Variants in AOPEP observed in about 807,000 individuals in gnomAD.
The protein encoded by AOPEP is aminopeptidase O (putative).
AOPEP carries 77 observed loss-of-function variants against 98.1 expected under a neutral mutation model. That is an observed-to-expected ratio of 0.78 (90% CI 0.65 to 0.95). AOPEP has a LOEUF of 0.95. Among genes scored for constraint, AOPEP ranks in the 40% least tolerant of loss-of-function variants. AOPEP has a pLI of 0.00. For synonymous variants in AOPEP, 346 were observed against 365.3 expected (o/e 0.95, Z 0.60); for missense variants, 1,024 against 1,024.7 (o/e 1.00, Z 0.01).
At chr9:94,768,555 T>G (rs457795) in intron 2 of AOPEP, among the ~76,000 whole-genome samples, 7,951 of 152,340 alleles carry the variant, frequency 0.052, 235 homozygotes, top group Admixed American at 0.077. Flanking sequence ...ATTTGACCAC[T>G]CTGCAAATGC....
chr9:95,077,741 C>T (rs532344633), intron 14 of AOPEP, among the ~76,000 whole-genome samples: 117 of 152,142 alleles, frequency 7.7e-4, no homozygotes, highest in African/African-American at 2.7e-3. Flanking sequence ...GACAGATATT[C>T]TGTCAGGGCT....
intron 7 of AOPEP, among the ~76,000 whole-genome samples, chr9:94,939,991 T>C (rs569020016): frequency 8.5e-5 from 13 of 152,380 alleles, no homozygotes; most frequent in African/African-American, 3.1e-4. Context: ...GTATTTTGAC[T>C]TGGGTCCCAT....
At position 94,932,111 on chromosome 9, in the gene AOPEP, A is replaced by C. The variant is rs1036571416; in HGVS notation, c.1661+3580A>C. 4.8e-6 allele frequency: 5 copies of C among 1,042,172 alleles called. No homozygotes were observed. In the African/African-American group the frequency reaches 8.4e-5, roughly 17 times the overall value. The allele number at this position is 1,042,172 out of a possible 1,614,324, so 64.6% of individuals were successfully genotyped here. On this transcript the variant is annotated intron_variant, in intron 7 of 16. Transcript: ENST00000375315. ...TATACCATATTCCTGTCTTCAGGGA[A>C]CTGAGAGCATTTAGTTGCATTAAAA...
intron 11 of AOPEP, among the ~76,000 whole-genome samples, chr9:94,995,562 C>G (rs75996150): frequency 6.6e-6 from 1 of 152,094 alleles, no homozygotes; most frequent in Admixed American, 6.5e-5. Context: ...AAAACAGCAA[C>G]AGCATATTTG....
intron 5 of AOPEP, among the ~76,000 whole-genome samples, chr9:94,861,495 A>G (rs2044983293): frequency 6.6e-6 from 1 of 152,128 alleles, no homozygotes; most frequent in African/African-American, 2.4e-5. Flanking sequence ...AACTCCCTTA[A>G]TTTACAGATT....
chr9:94,907,292 C>T (rs879742611), intron 5 of AOPEP, among the ~76,000 whole-genome samples: 7 of 152,196 alleles, frequency 4.6e-5, no homozygotes, highest in Non-Finnish European at 8.8e-5. Flanking sequence ...ATGTGAACAA[C>T]TCTGCTCTTT....
At chr9:94,785,372 T>A (rs1372900172) in intron 3 of AOPEP, among the ~76,000 whole-genome samples, 2 of 152,256 alleles carry the variant, frequency 1.3e-5, no homozygotes, top group Non-Finnish European at 2.9e-5. Flanking sequence ...TTGGGTCTTG[T>A]AACAGCTGTT....
At chr9:94,893,440 C>T (rs998247696) in intron 5 of AOPEP, among the ~76,000 whole-genome samples, 19 of 152,104 alleles carry the variant, frequency 1.2e-4, no homozygotes, top group African/African-American at 4.6e-4. Context: ...AGTCCAGACT[C>T]GAGCCTGAAA....
At chr9:95,125,804 T>C in the AOPEP span, among the ~76,000 whole-genome samples, 2 of 152,050 alleles carry the variant, frequency 1.3e-5, no homozygotes, top group African/African-American at 2.4e-5. Flanking sequence ...GTGTGTTAGG[T>C]GGGAGGGGCT....
At chr9:94,781,591 C>T (rs1478605850) in intron 3 of AOPEP, among the ~76,000 whole-genome samples, 15 of 149,492 alleles carry the variant, frequency 1.0e-4, no homozygotes, top group African/African-American at 3.0e-4. Context: ...GACAGAGTCT[C>T]ATTCTGTCGC....
chr9:94,971,156 A>G (rs951457222), intron 10 of AOPEP, among the ~76,000 whole-genome samples: 1 of 152,166 alleles, frequency 6.6e-6, no homozygotes, highest in African/African-American at 2.4e-5. Context: ...TTGAGGCTGC[A>G]CACTGAGCCC....
intron 5 of AOPEP, among the ~76,000 whole-genome samples, chr9:94,875,093 T>C (rs2046760611): frequency 6.6e-6 from 1 of 152,122 alleles, no homozygotes; most frequent in Non-Finnish European, 1.5e-5. Flanking sequence ...TATTTATTAA[T>C]AGTCTCAAGA....
At chr9:94,918,590 A>T (rs748538498) in intron 5 of AOPEP, among the ~76,000 whole-genome samples, 14 of 152,120 alleles carry the variant, frequency 9.2e-5, no homozygotes, top group Non-Finnish European at 1.9e-4. Context: ...TCCTGGCTCT[A>T]TTGCTTGCCA....
At chr9:94,752,093 A>G (rs995494554) in intron 1 of AOPEP, among the ~76,000 whole-genome samples, 1 of 151,544 alleles carries the variant, frequency 6.6e-6, no homozygotes. Flanking sequence ...TTCCTATGTT[A>G]CCCGGGCTTG....
Position 94,934,378 on chromosome 9 carries a change from G to A in AOPEP, c.1661+5847G>A, listed in dbSNP as rs2055921270. On this transcript the variant is annotated intron_variant, in intron 7 of 16. Coordinates refer to ENST00000375315, the MANE Select transcript of AOPEP (RefSeq NM_001193329.3). ...ATTGCCCAGGCTGGAGTTCAGTGGC[G>A]CGATTTCGGCTCACTGCAACCTCTG... Among the ~76,000 whole-genome samples, 5 of 144,634 alleles carry A rather than the reference G, an allele frequency of 3.5e-5. No homozygotes were observed. The South Asian group carries it at 8.7e-4, about 25-fold the overall frequency. 94.9% of individuals were successfully genotyped at this position (144,634 alleles called of 152,430 possible). A position where few individuals can be genotyped will look rare whatever the true frequency, so the allele number is the denominator to read the frequency against.
the AOPEP span, chr9:95,150,142 G>A: frequency 2.5e-6 from 4 of 1,596,808 alleles, no homozygotes; most frequent in Non-Finnish European, 3.4e-6. Context: ...CATAATTAAG[G>A]ACATATAAAA....
intron 10 of AOPEP, among the ~76,000 whole-genome samples, chr9:94,968,035 A>G (rs906984904): frequency 4.6e-5 from 7 of 152,298 alleles, no homozygotes; most frequent in South Asian, 2.1e-4. Context: ...AGGAGCCCCA[A>G]AAGTGATATG....
chr9:94,898,265 A>G (rs2049853974), intron 5 of AOPEP, among the ~76,000 whole-genome samples: 1 of 152,186 alleles, frequency 6.6e-6, no homozygotes, highest in African/African-American at 2.4e-5. Context: ...GAAACTCATG[A>G]GGGGCCAGGA....
At chr9:94,790,514 T>C (rs1845473198) in intron 3 of AOPEP, among the ~76,000 whole-genome samples, 1 of 152,116 alleles carries the variant, frequency 6.6e-6, no homozygotes, top group African/African-American at 2.4e-5. Flanking sequence ...CCCTTCTGGT[T>C]CCAGAAGCAG....
Sources: allele counts gnomAD v4.1 joint callset (sites outside exome capture counted in the v4.1 genomes callset), GRCh38; gene constraint gnomAD v4.1.1; transcripts MANE v1.5; gene names NCBI Gene and HGNC (gene_info 2026-07-23, HGNC 2026-07-21).